Variants in EBF1 observed in about 807,000 individuals in gnomAD.
The protein encoded by EBF1 is EBF transcription factor 1, also known as transcription factor COE1.
EBF1 carries 10 observed loss-of-function variants against 68.4 expected under a neutral mutation model. The ratio of observed to expected loss-of-function variants is 0.15; its 90% CI spans 0.09 to 0.25. EBF1 has a LOEUF of 0.25. EBF1 is among the 10% of genes least tolerant of loss of function. The pLI is 1.00. For synonymous variants in EBF1, 298 were observed against 299.8 expected, an observed-to-expected ratio of 0.99 and a Z score of 0.06; for missense variants, 509 against 794.4, an observed-to-expected ratio of 0.64 and a Z score of 4.32.
At chr5:158,902,022 C>T (rs1052310238) in intron 6 of EBF1, among the ~76,000 whole-genome samples, 2 of 152,050 alleles carry the variant, frequency 1.3e-5, no homozygotes, top group African/African-American at 2.4e-5. Flanking sequence ...ACCAGGGGGG[C>T]GGAGGTTGCA....
intron 6 of EBF1, among the ~76,000 whole-genome samples, chr5:158,953,332 C>T (rs113588772): frequency 6.6e-6 from 1 of 152,250 alleles, no homozygotes; most frequent in African/African-American, 2.4e-5. Flanking sequence ...TTTTATTTAC[C>T]ATTATGACAG....
At chr5:158,759,619 G>C (rs1770953003) in intron 10 of EBF1, among the ~76,000 whole-genome samples, 1 of 152,178 alleles carries the variant, frequency 6.6e-6, no homozygotes, top group South Asian at 2.1e-4. Flanking sequence ...AGGGCTTACA[G>C]TGCTATCCAT....
chr5:158,727,052 A>G (rs1056681961), intron 11 of EBF1, among the ~76,000 whole-genome samples: 1 of 152,232 alleles, frequency 6.6e-6, no homozygotes, highest in Non-Finnish European at 1.5e-5. Context: ...CAGAGGAGAA[A>G]CCTGAAGCAT....
At chr5:158,755,757 T>C (rs892530821) in intron 10 of EBF1, among the ~76,000 whole-genome samples, 2 of 152,034 alleles carry the variant, frequency 1.3e-5, no homozygotes, top group Admixed American at 6.6e-5. Flanking sequence ...AGGGGCTTCA[T>C]GGAAAATGGT....
chr5:158,776,609 C>T (rs774084585), intron 10 of EBF1, among the ~76,000 whole-genome samples: 5 of 152,142 alleles, frequency 3.3e-5, no homozygotes, highest in Admixed American at 2.6e-4. Context: ...CCAAGGATGA[C>T]TGACACTAAG....
chr5:158,722,497 T>G (rs928701705), intron 11 of EBF1, among the ~76,000 whole-genome samples: 3 of 152,188 alleles, frequency 2.0e-5, no homozygotes, highest in African/African-American at 7.2e-5. Flanking sequence ...GTATGTTTGG[T>G]GTGTGTGTAT....
intron 6 of EBF1, among the ~76,000 whole-genome samples, chr5:159,041,122 C>T (rs1771113066): frequency 1.3e-5 from 2 of 152,218 alleles, no homozygotes; most frequent in Non-Finnish European, 2.9e-5. Context: ...CCCATCGTCA[C>T]ACACATCAAT....
intron 7 of EBF1, among the ~76,000 whole-genome samples, chr5:158,827,486 T>A (rs1348764995): frequency 1.3e-5 from 2 of 152,204 alleles, no homozygotes; most frequent in Non-Finnish European, 2.9e-5. Context: ...CTGAAAATAG[T>A]CTGTAAATGA....
At chr5:159,077,018 T>G (rs1778894277) in intron 5 of EBF1, among the ~76,000 whole-genome samples, 1 of 152,198 alleles carries the variant, frequency 6.6e-6, no homozygotes, top group South Asian at 2.1e-4. Flanking sequence ...TGGCCCCATT[T>G]CTGGGAGAAA....
At chr5:159,016,900 A>G (rs564199338) in intron 6 of EBF1, among the ~76,000 whole-genome samples, 8 of 152,294 alleles carry the variant, frequency 5.3e-5, no homozygotes, top group African/African-American at 1.9e-4. Context: ...TCACAAACAC[A>G]CTTTGAGAGA....
chr5:158,698,055 G>C lies in EBF1; in HGVS notation c.*1056C>G, dbSNP rs2127452437. 1 of 216,768 alleles carries C rather than the reference G, an allele frequency of 4.6e-6. No homozygotes were observed. Among genetic ancestry groups the C allele is most frequent in the African/African-American group, 2.2e-5 (1 of 44,490 alleles). 13.4% of individuals were successfully genotyped at this position (216,768 alleles called of 1,614,324 possible). A position where few individuals can be genotyped will look rare whatever the true frequency, so the allele number is the denominator to read the frequency against. ...TGGTAAGGGTCGACTGATAGAGGCA[G>C]TATCTGGAATGGGAAAATCGAAAAT... On this transcript the variant is annotated 3_prime_UTR_variant, in exon 16 of 16. Coordinates refer to ENST00000313708, the MANE Select transcript of EBF1 (RefSeq NM_024007.5).
intron 6 of EBF1, among the ~76,000 whole-genome samples, chr5:159,051,468 G>GCTCCCGCTCCACATGTGGA (rs1434904215): frequency 2.1e-5 from 3 of 140,892 alleles, no homozygotes; most frequent in Non-Finnish European, 4.6e-5. Flanking sequence ...GCGGCTGACG[G>GCTCCCGCTCCACATGTGGA]CTCCCGCTCC....
At chr5:158,903,416 G>A (rs1803875195) in intron 6 of EBF1, among the ~76,000 whole-genome samples, 1 of 152,048 alleles carries the variant, frequency 6.6e-6, no homozygotes, top group South Asian at 2.1e-4. Context: ...GTCAGCAATG[G>A]CCCCTCTCTT....
At position 158,997,202 on chromosome 5, in the gene EBF1, C is replaced by T. The variant is rs910153064; in HGVS notation, c.554+76194G>A. Among the ~76,000 whole-genome samples, 22 of 152,190 alleles carry T rather than the reference C, an allele frequency of 1.4e-4. No individual in the cohort carries two copies. In the South Asian group the frequency reaches 1.9e-3, roughly 13 times the overall value. On this transcript the variant is annotated intron_variant, in intron 6 of 15. Coordinates refer to ENST00000313708, the MANE Select transcript of EBF1 (RefSeq NM_024007.5). ...GCAGTGAATTCCTGGGTCCCAAGAACGCTGAGCAACATCTTACAAGAGTGG... is the reference window on the plus strand; with the variant it reads ...GCAGTGAATTCCTGGGTCCCAAGAATGCTGAGCAACATCTTACAAGAGTGG...
intron 6 of EBF1, among the ~76,000 whole-genome samples, chr5:158,931,967 A>C (rs913451338): frequency 6.6e-6 from 1 of 152,218 alleles, no homozygotes; most frequent in Non-Finnish European, 1.5e-5. Context: ...TACCTTTAGC[A>C]ACCAGCCATA....
intron 6 of EBF1, among the ~76,000 whole-genome samples, chr5:159,072,171 AT>A (rs1365821931): frequency 5.3e-5 from 8 of 152,210 alleles, no homozygotes; most frequent in Non-Finnish European, 1.0e-4. Flanking sequence ...TGGAGCAAAA[AT>A]ATATATATTT....
chr5:158,966,802 C>A (rs184906320), intron 6 of EBF1, among the ~76,000 whole-genome samples: 1 of 152,330 alleles, frequency 6.6e-6, no homozygotes, highest in East Asian at 1.9e-4. Context: ...CCTTTTTAGA[C>A]AAGCAAGTCC....
intron 6 of EBF1, among the ~76,000 whole-genome samples, chr5:159,010,249 C>G (rs760782057): frequency 6.6e-6 from 1 of 152,150 alleles, no homozygotes; most frequent in Non-Finnish European, 1.5e-5. Context: ...CAGACACAGA[C>G]AGAGGAATGT....
chr5:158,940,777 C>CCCCCCCCCCCCCCCCCCCCCCACT (rs1554083360), intron 6 of EBF1, among the ~76,000 whole-genome samples: 1 of 51,556 alleles, frequency 1.9e-5, no homozygotes, highest in African/African-American at 5.0e-5. Flanking sequence ...CCCCCCCCCC[C>CCCCCCCCCCCCCCCCCCCCCCACT]CCGCAGGTCA....
Sources: allele counts gnomAD v4.1 joint callset (sites outside exome capture counted in the v4.1 genomes callset), GRCh38; gene constraint gnomAD v4.1.1; transcripts MANE v1.5; gene names NCBI Gene and HGNC (gene_info 2026-07-23, HGNC 2026-07-21).